The following NMT2 variants were observed in gnomAD, a reference collection of about 807,000 sequenced individuals.
The protein encoded by NMT2 is glycylpeptide N-tetradecanoyltransferase 2.
NMT2 carries 35 observed loss-of-function variants against 65.4 expected under a neutral mutation model. The observed-to-expected ratio is 0.54, with a 90% confidence interval of 0.41 to 0.71. The LOEUF (loss-of-function observed/expected upper bound fraction) is 0.71. Among genes scored for constraint, NMT2 ranks in the 30% least tolerant of loss-of-function variants. NMT2 has a pLI of 0.00. For missense variants in NMT2, 489 were observed against 611.3 expected, an observed-to-expected ratio of 0.80 and a Z score of 2.11; for synonymous variants, 226 against 231.8, an observed-to-expected ratio of 0.98 and a Z score of 0.23.
chr10:15,168,618 C>A lies in NMT2; in HGVS notation c.-6G>T, dbSNP rs1438014472. 6.4e-7 allele frequency: 1 copy of A among 1,574,556 alleles called. No individual in the cohort carries two copies. ...GACTCGCTGTCCTCCGCCATCGCGG[C>A]GGCGCTGGCTGGGGAGGCGGTGCTC... On this transcript the variant is annotated 5_prime_UTR_variant, in exon 1 of 12. Coordinates refer to ENST00000378165, the MANE Select transcript of NMT2 (RefSeq NM_004808.3).
intron 8 of NMT2, among the ~76,000 whole-genome samples, chr10:15,127,572 AAATAAATAAATAAAT>A (rs377223593): frequency 0.2 from 21,201 of 107,306 alleles, 4,596 homozygotes; most frequent in African/African-American, 0.57. Flanking sequence ...AAAAAAAAAT[AAATAAATAAATAAAT>A]AAATAAATAA....
chr10:15,122,366 C>T (rs1284940531), intron 8 of NMT2, among the ~76,000 whole-genome samples: 1 of 152,174 alleles, frequency 6.6e-6, no homozygotes, highest in Non-Finnish European at 1.5e-5. Context: ...AACTGCCCAG[C>T]AGATCGCCTT....
chr10:15,155,953 G>A (rs575646644), intron 1 of NMT2, among the ~76,000 whole-genome samples: 14 of 152,238 alleles, frequency 9.2e-5, no homozygotes, highest in Admixed American at 3.9e-4. Flanking sequence ...CATCCAGGGC[G>A]GGACAGGGTG....
chr10:15,137,495 A>C (rs1846554993), intron 2 of NMT2, among the ~76,000 whole-genome samples: 1 of 152,176 alleles, frequency 6.6e-6, no homozygotes, highest in Non-Finnish European at 1.5e-5. Flanking sequence ...CAACATTAAA[A>C]GGAGCAAATT....
chr10:15,136,243 AGGAAG>A (rs1338151502), intron 2 of NMT2, among the ~76,000 whole-genome samples: 1 of 141,854 alleles, frequency 7.0e-6, no homozygotes, highest in African/African-American at 2.6e-5. Context: ...GGAAAGGGAA[AGGAAG>A]GGAAGGGAAG....
intron 7 of NMT2, among the ~76,000 whole-genome samples, chr10:15,128,841 C>A (rs530587317): frequency 1.3e-5 from 2 of 152,264 alleles, no homozygotes; most frequent in Admixed American, 6.5e-5. Context: ...CCCATCTCTA[C>A]TAAAAATACA....
intron 1 of NMT2, chr10:15,155,444 C>T: frequency 2.0e-6 from 1 of 500,224 alleles, no homozygotes; most frequent in Admixed American, 3.3e-5. Context: ...TCATAGCTCA[C>T]TGCAGCCTTG....
At chr10:15,167,981 C>G (rs181102339) in intron 1 of NMT2, among the ~76,000 whole-genome samples, 3 of 152,258 alleles carry the variant, frequency 2.0e-5, no homozygotes, top group Admixed American at 6.5e-5. Context: ...CCTGCGGCCC[C>G]GACACCATCG....
intron 9 of NMT2, among the ~76,000 whole-genome samples, chr10:15,114,686 T>C (rs1220694415): frequency 2.0e-5 from 3 of 151,896 alleles, no homozygotes; most frequent in South Asian, 4.2e-4. Context: ...CAGTAGTGAG[T>C]ATAGAAGATC....
At chr10:15,148,036 C>A (rs1394587876) in intron 1 of NMT2, among the ~76,000 whole-genome samples, 1 of 152,146 alleles carries the variant, frequency 6.6e-6, no homozygotes, top group Admixed American at 6.5e-5. Context: ...CACATTTTAT[C>A]TCTAGGATGG....
intron 1 of NMT2, among the ~76,000 whole-genome samples, chr10:15,161,457 T>G (rs1333707111): frequency 6.6e-6 from 1 of 152,172 alleles, no homozygotes; most frequent in African/African-American, 2.4e-5. Flanking sequence ...GTTCAAGTGA[T>G]TCTCCTGCCT....
intron 1 of NMT2, among the ~76,000 whole-genome samples, chr10:15,146,751 C>A (rs1307369263): frequency 6.6e-6 from 1 of 152,116 alleles, no homozygotes; most frequent in Non-Finnish European, 1.5e-5. Flanking sequence ...ATGTTAGGGT[C>A]TGTTGATTAC....
Position 15,137,569 on chromosome 10 carries a change from A to C in NMT2, c.247-2151T>G, listed in dbSNP as rs898197203. Among the ~76,000 whole-genome samples, 6 of 152,172 alleles carry C rather than the reference A, an allele frequency of 3.9e-5. No individual in the cohort carries two copies. In the South Asian group the frequency reaches 1.0e-3, roughly 26 times the overall value. On this transcript the variant is annotated intron_variant, in intron 2 of 11. Transcript: ENST00000378165. ...AACACCATCTATTAGAAGACCTTAC[A>C]ATTTAAATAGGAATTGAGATCACAG...
At chr10:15,125,576 C>A (rs1846047042) in intron 8 of NMT2, among the ~76,000 whole-genome samples, 1 of 152,006 alleles carries the variant, frequency 6.6e-6, no homozygotes. Flanking sequence ...TTTGGAGAGA[C>A]CAAAGTGGAA....
rs1845375892 is a variant in NMT2, at chr10:15,108,217, ACG to A, written c.*976_*977del. 1.0e-6 allele frequency: 1 copy of A among 966,720 alleles called. No individual in the cohort carries two copies. Among genetic ancestry groups the A allele is most frequent in the Non-Finnish European group, 1.2e-6 (1 of 822,708 alleles). 59.9% of individuals were successfully genotyped at this position (966,720 alleles called of 1,614,324 possible). A position where few individuals can be genotyped will look rare whatever the true frequency, so the allele number is the denominator to read the frequency against. On this transcript the variant is annotated 3_prime_UTR_variant, in exon 12 of 12. Transcript: ENST00000378165. ...TTTTTTTTTTTTGAGACGGAGTCTCACGCTCTGTCACCCAGGCTGGAGTGCAG... is the reference window on the plus strand; with the variant it reads ...TTTTTTTTTTTTGAGACGGAGTCTCACTCTGTCACCCAGGCTGGAGTGCAG...
At chr10:15,154,917 T>C (rs777517474) in intron 1 of NMT2, 8 of 941,846 alleles carry the variant, frequency 8.5e-6, no homozygotes, top group Non-Finnish European at 1.4e-5. Context: ...AGAGACCACA[T>C]GCTTGCCATC....
chr10:15,165,010 A>C lies in NMT2; in HGVS notation c.110+3493T>G, dbSNP rs548004317. ...AAAATCCTGTCTCTATTAAAAATAC[A>C]AAATTAGCTGGGCGTGGTGATGCAC... On this transcript the variant is annotated intron_variant, in intron 1 of 11. Coordinates refer to ENST00000378165, the MANE Select transcript of NMT2 (RefSeq NM_004808.3). Among the ~76,000 whole-genome samples the C allele has an allele frequency of 2.6e-5, 4 of 152,304 alleles. No individual in the cohort carries two copies. In the South Asian group the frequency reaches 6.2e-4, roughly 24 times the overall value.
At position 15,133,298 on chromosome 10, in the gene NMT2, A is replaced by G. The variant is rs376540945; in HGVS notation, c.457T>C (p.Ser153Pro). 6.2e-7 allele frequency: 1 copy of G among 1,614,084 alleles called. No homozygotes were observed. Among genetic ancestry groups the G allele is most frequent in the Non-Finnish European group, 8.5e-7 (1 of 1,180,046 alleles). The change falls in exon 4 of 12, where the codon TCT becomes CCT. Residue 153 changes from serine (S) to proline (P), a missense_variant. By Grantham distance (74) the Ser-to-Pro change is moderately conservative. Coordinates refer to ENST00000378165, the MANE Select transcript of NMT2 (RefSeq NM_004808.3). ...DKDNVRQEPY[S>P]LPQGFMWDTL... ...TCCCACATAAAACCCTGTGGCAAAG[A>G]ATACGGTTCTTGGCGTACGTTGTCT... is the stretch of plus-strand genomic sequence containing the variant.
At chr10:15,123,657 G>T (rs557035760) in intron 8 of NMT2, among the ~76,000 whole-genome samples, 2 of 152,084 alleles carry the variant, frequency 1.3e-5, no homozygotes, top group South Asian at 4.1e-4. Flanking sequence ...GCTAGCTTCC[G>T]TATAATGGAA....
Sources: allele counts gnomAD v4.1 joint callset (sites outside exome capture counted in the v4.1 genomes callset), GRCh38; gene constraint gnomAD v4.1.1; transcripts MANE v1.5; gene names NCBI Gene and HGNC (gene_info 2026-07-23, HGNC 2026-07-21).